The following NOM1 variants were observed in gnomAD, a reference collection of about 807,000 sequenced individuals.
The protein encoded by NOM1 is nucleolar MIF4G domain-containing protein 1.
In NOM1, 58 loss-of-function variants were observed where a neutral mutation model predicts 73.3. That is an observed-to-expected ratio of 0.79 (90% CI 0.64 to 0.99). The LOEUF is 0.99. NOM1 is among the 50% of genes least tolerant of loss of function. The pLI, the probability that NOM1 is intolerant of heterozygous loss-of-function variation, is 0.00. For missense variants in NOM1, 1,226 were observed against 1,131.9 expected (o/e 1.08, Z -1.19); for synonymous variants, 487 against 446.8 (o/e 1.09, Z -1.14).
rs201325332 is a variant in NOM1, at chr7:156,964,319, CTG to C, written c.2033+294_2033+295del. 1,801 of 183,044 alleles carry C rather than the reference CTG, an allele frequency of 9.8e-3. 35 individuals carry two copies. The highest frequency in any genetic ancestry group is 0.04 in the African/African-American group (1,717 of 42,486). The allele number at this position is 183,044 out of a possible 1,614,324, so 11.3% of individuals were successfully genotyped here. On this transcript the variant is annotated intron_variant, in intron 7 of 10. Coordinates refer to ENST00000275820, the MANE Select transcript of NOM1 (RefSeq NM_138400.2). ...CTTGCCATGTTGCTCAGGCTGGAGA[CTG>C]GGGAGTTTTGACTGAAAGTATCTGA...
rs1460731172 is a variant in NOM1, at chr7:156,973,106, A to G, written c.*3403A>G. 4.9e-5 allele frequency: 7 copies of G among 142,818 alleles called. No homozygotes were observed. In the Admixed American group the frequency reaches 5.0e-4, roughly 10 times the overall value. The allele number at this position is 142,818 out of a possible 1,614,324, so 8.8% of individuals were successfully genotyped here. On this transcript the variant is annotated 3_prime_UTR_variant, in exon 11 of 11. Coordinates refer to ENST00000275820, the MANE Select transcript of NOM1 (RefSeq NM_138400.2). ...CTAAACAGCTGTCTTTCAGGGTATC[A>G]TTTTTAAAGGTATAAGGAACAAACT...
rs115289435 is a variant in NOM1, at chr7:156,955,163, T to C, written c.1308+865T>C. The stretch of plus-strand genomic sequence containing the variant: ...TGTCCACCCCACCCCCACATCCCTT[T>C]CGTATTCTTCTTGCTCCACAACCCT... On this transcript the variant is annotated intron_variant, in intron 3 of 10. Coordinates refer to ENST00000275820, the MANE Select transcript of NOM1 (RefSeq NM_138400.2). Among the ~76,000 whole-genome samples, 1,113 of 152,282 alleles carry C rather than the reference T, an allele frequency of 7.3e-3. 12 individuals are homozygous for C. Among genetic ancestry groups the C allele is most frequent in the African/African-American group, 0.026 (1,078 of 41,550 alleles).
At chr7:156,968,431 T>C (rs1028805382) in intron 9 of NOM1, among the ~76,000 whole-genome samples, 3 of 152,052 alleles carry the variant, frequency 2.0e-5, no homozygotes, top group Admixed American at 6.6e-5. Flanking sequence ...CCTGTGATGG[T>C]GTTTGGCTGC....
chr7:156,953,080 G>T (rs1182455331), intron 2 of NOM1, among the ~76,000 whole-genome samples: 3 of 152,172 alleles, frequency 2.0e-5, no homozygotes, highest in Non-Finnish European at 2.9e-5. Flanking sequence ...CTTTGGTTTT[G>T]AGGATGTGTG....
intron 8 of NOM1, 65 bp from the exon 9 acceptor site, chr7:156,966,896 G>T: frequency 6.9e-7 from 1 of 1,443,102 alleles, no homozygotes; most frequent in South Asian, 1.3e-5. Context: ...AGGTTATGTT[G>T]TTAGTGATAT....
rs540766194 is a variant in NOM1 at position 156,964,837 on chromosome 7, C to T, written c.2033+811C>T. Among the ~76,000 whole-genome samples the T allele has an allele frequency of 3.3e-3, 507 of 152,234 alleles. 2 individuals carry two copies. The highest frequency in any genetic ancestry group is 5.5e-3 in the Non-Finnish European group (373 of 68,016). The stretch of plus-strand genomic sequence containing the variant: ...CGAAAACCTCCCATCTCCCTAGTCA[C>T]CCTTGGTCTCTAAAAGGGCTCTTTT... On this transcript the variant is annotated intron_variant, in intron 7 of 10. Coordinates refer to ENST00000275820, the MANE Select transcript of NOM1 (RefSeq NM_138400.2).
chr7:156,963,215 C>T (rs775305048), intron 6 of NOM1, 40 bp downstream of exon 6: 8 of 1,609,928 alleles, frequency 5.0e-6, no homozygotes, highest in South Asian at 1.1e-5. Context: ...GCAGAGGCAC[C>T]CCCCTGTGTG....
intron 2 of NOM1, 105 bp from the exon 3 acceptor site, chr7:156,953,992 CATAAAA>C (rs1434179952): frequency 2.4e-6 from 2 of 838,202 alleles, no homozygotes; most frequent in Non-Finnish European, 3.8e-6. Flanking sequence ...CAAAAGTGTA[CATAAAA>C]ATAGAATATA....
intron 4 of NOM1, 75 bp downstream of exon 4, chr7:156,960,249 C>G: frequency 8.2e-7 from 1 of 1,225,540 alleles, no homozygotes; most frequent in South Asian, 1.3e-5. Flanking sequence ...AAATCAGTAT[C>G]TGGGGTAAAT....
intron 5 of NOM1, among the ~76,000 whole-genome samples, chr7:156,962,693 A>T (rs1252743478): frequency 6.6e-6 from 1 of 152,120 alleles, no homozygotes; most frequent in Non-Finnish European, 1.5e-5. Flanking sequence ...CTCAAGTCCA[A>T]ATCATTGCTG....
At chr7:156,961,619 C>T (rs1731985748) in intron 4 of NOM1, among the ~76,000 whole-genome samples, 1 of 152,120 alleles carries the variant, frequency 6.6e-6, no homozygotes, top group South Asian at 2.1e-4. Flanking sequence ...ATATACCTTA[C>T]ATGAGTGAGT....
chr7:156,969,198 T>A lies in NOM1; in HGVS notation c.2408+2T>A. 7.2e-7 allele frequency: 1 copy of A among 1,394,654 alleles called. No homozygotes were observed. The highest frequency in any genetic ancestry group is 1.0e-6 in the Non-Finnish European group (1 of 979,242). 86.4% of individuals were successfully genotyped at this position (1,394,654 alleles called of 1,614,324 possible). On this transcript the variant is annotated splice_donor_variant, in intron 10 of 10. Transcript: ENST00000275820. LOFTEE classifies it high-confidence loss of function. ...AGACCTCAGTTTAATTTTCACAAGG[T>A]ATGTGCCCCACCCTTTCCGACGAGA...
intron 1 of NOM1, among the ~76,000 whole-genome samples, chr7:156,951,348 C>G (rs11773837): frequency 1.3e-5 from 2 of 151,902 alleles, no homozygotes; most frequent in Admixed American, 1.3e-4. Flanking sequence ...GATCGCGCTA[C>G]TGCACTCTAG....
rs1188090495 is a variant in NOM1 at position 156,949,732 on chromosome 7, C to T, written c.-6C>T. 1 of 1,354,468 alleles carries T rather than the reference C, an allele frequency of 7.4e-7. No individual in the cohort carries two copies. The highest frequency in any genetic ancestry group is 9.4e-7 in the Non-Finnish European group (1 of 1,058,722). The allele number at this position is 1,354,468 out of a possible 1,614,324, so 83.9% of individuals were successfully genotyped here. On this transcript the variant is annotated 5_prime_UTR_variant, in exon 1 of 11. Transcript: ENST00000275820. ...CCGGAAGTCGTGCGTCCACGCGTTT[C>T]GAAAGATGGCGGCGTCCAGGAGCGC...
At chr7:156,963,778 C>T in intron 6 of NOM1, 127 bp from the exon 7 acceptor site, 3 of 1,100,380 alleles carry the variant, frequency 2.7e-6, no homozygotes, top group Non-Finnish European at 3.8e-6. Context: ...CGAGAGTGGA[C>T]TTGGTGCCAT....
At chr7:156,963,270 T>C (rs1386833349) in intron 6 of NOM1, 95 bp downstream of exon 6, 1 of 1,304,092 alleles carries the variant, frequency 7.7e-7, no homozygotes, top group East Asian at 2.4e-5. Context: ...TTACTGTTCT[T>C]GAATGGTCAC....
chr7:156,952,725 C>T lies in NOM1; in HGVS notation c.1112+127C>T, dbSNP rs1278892028. The T allele has an allele frequency of 5.9e-6, 6 of 1,024,174 alleles. No individual in the cohort carries two copies. In the African/African-American group the frequency reaches 8.1e-5, roughly 14 times the overall value. 63.4% of individuals were successfully genotyped at this position (1,024,174 alleles called of 1,614,324 possible). On this transcript the variant is annotated intron_variant, in intron 2 of 10. Coordinates refer to ENST00000275820, the MANE Select transcript of NOM1 (RefSeq NM_138400.2). ...TCGATTGGATCCTTTCTGTTCTTGG[C>T]TTGATGCACCGAGACCCATGAGACC...
Position 156,971,208 on chromosome 7 carries a change from G to A in NOM1, c.*1505G>A, listed in dbSNP as rs1805132198. On this transcript the variant is annotated 3_prime_UTR_variant, in exon 11 of 11. Coordinates refer to ENST00000275820, the MANE Select transcript of NOM1 (RefSeq NM_138400.2). ...CTCAATTTAAATCTTACCTTTGATT[G>A]TTGAAAAAAGTCACTAAGATGTGAA... The A allele has an allele frequency of 1.3e-5, 2 of 152,126 alleles. No homozygotes were observed. Among genetic ancestry groups the A allele is most frequent in the Admixed American group, 1.3e-4 (2 of 15,262 alleles). The allele number at this position is 152,126 out of a possible 1,614,324, so 9.4% of individuals were successfully genotyped here. A position where few individuals can be genotyped will look rare whatever the true frequency, so the allele number is the denominator to read the frequency against.
rs1804821233 is a variant in NOM1, at chr7:156,959,916, AG to A, written c.1377del (p.Glu461SerfsTer27). 6.2e-7 allele frequency: 1 copy of A among 1,614,230 alleles called. No individual in the cohort carries two copies. Among genetic ancestry groups the A allele is most frequent in the East Asian group, 2.2e-5 (1 of 44,890 alleles). ...ATGCCATCTATAAATACGGAAGCGA[AG>A]GGAAAGAGTGTGACAACCTGTTCAC... Reference protein sequence around the residue: ...FDAIYKYGSEGKECDNLFTVI... With the variant: ...FDAIYKYGSEXKECDNLFTVI... On this transcript the variant is annotated frameshift_variant, in exon 4 of 11. Coordinates refer to ENST00000275820, the MANE Select transcript of NOM1 (RefSeq NM_138400.2). LOFTEE classifies it high-confidence loss of function.
Sources: gnomAD v4.1 joint callset for allele counts (sites outside exome capture counted in the v4.1 genomes callset) on GRCh38, gnomAD v4.1.1 for gene constraint, MANE v1.5 for transcripts, NCBI Gene and HGNC (gene_info 2026-07-23, HGNC 2026-07-21) for gene names.